CDH4: variants seen among roughly 807,000 people sequenced by gnomAD.
The protein encoded by CDH4 is cadherin-4.
In CDH4, 33 loss-of-function variants were observed where a neutral mutation model predicts 86.0. The observed-to-expected ratio is 0.38, with a 90% CI of 0.29 to 0.51. The LOEUF (loss-of-function observed/expected upper bound fraction) is 0.51. Among genes scored for constraint, CDH4 ranks in the 20% least tolerant of loss-of-function variants. The probability of loss-of-function intolerance (pLI) is 0.86; values close to 1 mark genes in which losing one functional copy is unlikely to be tolerated. For missense variants in CDH4, 1,114 were observed against 1,307.4 expected, an observed-to-expected ratio of 0.85 and a Z score of 2.28; for synonymous variants, 555 against 549.4, an observed-to-expected ratio of 1.01 and a Z score of -0.14.
rs17810680 is a variant in CDH4, at chr20:61,759,762, C to T, written c.397-13241C>T. On this transcript the variant is annotated intron_variant, in intron 3 of 15. Transcript: ENST00000614565. ...TCCTGATTCTCTAGAGCAAGTTGTT[C>T]TCAGCCAGGGCACTAGGCGAGACCC... is the stretch of plus-strand genomic sequence containing the variant. 4.5e-3 allele frequency among the ~76,000 whole-genome samples: 679 copies of T among 152,134 alleles called. 5 individuals carry two copies. Among genetic ancestry groups the T allele is most frequent in the Non-Finnish European group, 7.2e-3 (493 of 68,016 alleles).
intron 2 of CDH4, among the ~76,000 whole-genome samples, chr20:61,256,820 C>A (rs1401489543): frequency 6.6e-6 from 1 of 152,232 alleles, no homozygotes; most frequent in Non-Finnish European, 1.5e-5. Context: ...GCTTCTCCTG[C>A]GCCTGTGTGG....
intron 3 of CDH4, 104 bp downstream of exon 3, chr20:61,743,893 A>C (rs1381125110): frequency 1.2e-6 from 1 of 856,500 alleles, no homozygotes; most frequent in Non-Finnish European, 1.9e-6. Context: ...ACAGACAGTC[A>C]CCTCCTCCTC....
At position 61,652,366 on chromosome 20, in the gene CDH4, C is replaced by T. The variant is rs142630222; in HGVS notation, c.170-91197C>T. ...CATACTAAATAGCACGAGGCTTGGT[C>T]GCTTAGCAGTAACCATGCACACCTG... On this transcript the variant is annotated intron_variant, in intron 2 of 15. Transcript: ENST00000614565. Among the ~76,000 whole-genome samples the T allele has an allele frequency of 5.5e-3, 833 of 152,272 alleles. 10 individuals carry two copies. The highest frequency in any genetic ancestry group is 0.019 in the African/African-American group (785 of 41,546).
chr20:61,563,294 T>C (rs909603971), intron 2 of CDH4, among the ~76,000 whole-genome samples: 4 of 152,232 alleles, frequency 2.6e-5, no homozygotes, highest in Non-Finnish European at 4.4e-5. Flanking sequence ...CTCACCATGT[T>C]AGCAATCAGC....
At chr20:61,930,237 T>A (rs1329200088) in intron 13 of CDH4, among the ~76,000 whole-genome samples, 1 of 152,148 alleles carries the variant, frequency 6.6e-6, no homozygotes, top group Non-Finnish European at 1.5e-5. Context: ...CCCAGGACAC[T>A]CTCTGATTGG....
At chr20:61,748,616 T>C (rs1054173538) in intron 3 of CDH4, among the ~76,000 whole-genome samples, 1 of 152,184 alleles carries the variant, frequency 6.6e-6, no homozygotes, top group Non-Finnish European at 1.5e-5. Flanking sequence ...CACAGCAGTG[T>C]AATGTTTCAT....
intron 2 of CDH4, among the ~76,000 whole-genome samples, chr20:61,300,952 C>T (rs957909961): frequency 3.9e-5 from 6 of 152,202 alleles, no homozygotes; most frequent in African/African-American, 1.4e-4. Flanking sequence ...CCGGCCCCTG[C>T]AGCTGGCAGC....
At chr20:61,445,679 A>G (rs568616410) in intron 2 of CDH4, among the ~76,000 whole-genome samples, 2 of 152,276 alleles carry the variant, frequency 1.3e-5, no homozygotes, top group South Asian at 4.1e-4. Flanking sequence ...TTCAGAATAC[A>G]CCGGGTTTGT....
At chr20:61,791,382 A>C (rs1253025649) in intron 4 of CDH4, among the ~76,000 whole-genome samples, 1 of 152,250 alleles carries the variant, frequency 6.6e-6, no homozygotes. Flanking sequence ...TTAGAGAAAG[A>C]AGTGTGTTCA....
rs548000581 is a variant in CDH4, at chr20:61,593,105, G to A, written c.170-150458G>A. Among the ~76,000 whole-genome samples, 4 of 152,292 alleles carry A rather than the reference G, an allele frequency of 2.6e-5. No individual in the cohort carries two copies. The South Asian group carries it at 6.2e-4, about 24-fold the overall frequency. On this transcript the variant is annotated intron_variant, in intron 2 of 15. Coordinates refer to ENST00000614565, the MANE Select transcript of CDH4 (RefSeq NM_001794.5). The stretch of plus-strand genomic sequence containing the variant: ...ATTCTACCCAGAAGCCTCCAGAGGG[G>A]CACTTTAGACTCTGACCTGCAGAAC...
At chr20:61,293,577 G>A (rs896478035) in intron 2 of CDH4, among the ~76,000 whole-genome samples, 11 of 152,320 alleles carry the variant, frequency 7.2e-5, no homozygotes, top group Admixed American at 3.3e-4. Flanking sequence ...AGCCTTGCAT[G>A]TGTCCCCATC....
chr20:61,341,206 A>AT (rs1451468277), intron 2 of CDH4, among the ~76,000 whole-genome samples: 1 of 152,188 alleles, frequency 6.6e-6, no homozygotes, highest in Non-Finnish European at 1.5e-5. Context: ...TTTTCCCACT[A>AT]TTTTTAAGGA....
rs1170158714 is a variant in CDH4, at chr20:61,474,327, A to ATT, written c.169+219408_169+219409dup. ...AGGCGTGCACCACCACACCCAGCTA[A>ATT]TTTTTTTTTTTTTTTTTTTGTATTT... On this transcript the variant is annotated intron_variant, in intron 2 of 15. Transcript: ENST00000614565. 4.6e-3 allele frequency among the ~76,000 whole-genome samples: 571 copies of ATT among 124,358 alleles called. 4 individuals are homozygous for ATT. Among genetic ancestry groups the ATT allele is most frequent in the African/African-American group, 0.011 (363 of 32,702 alleles). The allele number at this position is 124,358 out of a possible 152,430, so 81.6% of individuals were successfully genotyped here.
chr20:61,814,922 G>A (rs530364013), intron 4 of CDH4, among the ~76,000 whole-genome samples: 10 of 152,230 alleles, frequency 6.6e-5, no homozygotes, highest in African/African-American at 1.7e-4. Flanking sequence ...CTCCTCCCAC[G>A]CTCCGCTCCC....
rs112639098 is a variant in CDH4, at chr20:61,761,731, C to G, written c.397-11272C>G. Among the ~76,000 whole-genome samples the G allele has an allele frequency of 2.4e-3, 359 of 152,306 alleles. 3 individuals carry two copies. Among genetic ancestry groups the G allele is most frequent in the African/African-American group, 8.3e-3 (346 of 41,570 alleles). On this transcript the variant is annotated intron_variant, in intron 3 of 15. Coordinates refer to ENST00000614565, the MANE Select transcript of CDH4 (RefSeq NM_001794.5). ...GAGCGCGGATTTTGTTAGTGAATAACGCGCAGAAGACGCCGTGGCCTCAGC... is the reference window on the plus strand; with the variant it reads ...GAGCGCGGATTTTGTTAGTGAATAAGGCGCAGAAGACGCCGTGGCCTCAGC...
At chr20:61,743,531 C>G in intron 2 of CDH4, 32 bp from the exon 3 acceptor site, 2 of 1,533,138 alleles carry the variant, frequency 1.3e-6, no homozygotes, top group Non-Finnish European at 1.8e-6. Flanking sequence ...GCTGGCCAAG[C>G]CGACCCTGAC....
In CDH4 at chr20:61,934,039, C is replaced by T; in HGVS notation, c.2380-17C>T. ...ATTCTTCTGATGCCCCTGACTCCTC[C>T]CGGCTCCCTCCCCCAGGACTACGAC... is the stretch of plus-strand genomic sequence containing the variant. On this transcript the variant is annotated splice_polypyrimidine_tract_variant and intron_variant, in intron 14 of 15. Coordinates refer to ENST00000614565, the MANE Select transcript of CDH4 (RefSeq NM_001794.5). The T allele has an allele frequency of 1.9e-6, 3 of 1,610,090 alleles. No homozygotes were observed. The highest frequency in any genetic ancestry group is 2.5e-6 in the Non-Finnish European group (3 of 1,179,500).
At chr20:61,646,232 A>G (rs2087059928) in intron 2 of CDH4, among the ~76,000 whole-genome samples, 1 of 151,944 alleles carries the variant, frequency 6.6e-6, no homozygotes, top group Non-Finnish European at 1.5e-5. Flanking sequence ...CGCTGCCTGG[A>G]TGTCCGTTCA....
At chr20:61,502,703 A>G (rs1295931679) in intron 2 of CDH4, among the ~76,000 whole-genome samples, 2 of 152,218 alleles carry the variant, frequency 1.3e-5, no homozygotes, top group African/African-American at 4.8e-5. Flanking sequence ...AGAGCACTCA[A>G]AACAGTCGCC....
Sources: gnomAD v4.1 joint callset for allele counts (sites outside exome capture counted in the v4.1 genomes callset) on GRCh38, gnomAD v4.1.1 for gene constraint, MANE v1.5 for transcripts, NCBI Gene and HGNC (gene_info 2026-07-23, HGNC 2026-07-21) for gene names.